Variants in ARFIP1 observed in about 807,000 individuals in gnomAD.
ARFIP1 encodes the protein ARF interacting protein 1.
Under a neutral mutation model 42.5 loss-of-function variants are expected in ARFIP1, and 24 were observed. The observed-to-expected ratio is 0.57, with a 90% confidence interval of 0.41 to 0.80. The LOEUF is 0.80. Ranked by LOEUF, ARFIP1 falls within the 30% of genes least tolerant of loss-of-function variation. The pLI, the probability that ARFIP1 is intolerant of heterozygous loss-of-function variation, is 0.00. For missense variants in ARFIP1, 354 were observed against 434.0 expected (o/e 0.82, Z 1.64); for synonymous variants, 141 against 153.7 (o/e 0.92, Z 0.61).
chr4:152,898,331 C>T (rs1034961376), intron 8 of ARFIP1, among the ~76,000 whole-genome samples: 2 of 152,072 alleles, frequency 1.3e-5, no homozygotes, highest in Non-Finnish European at 2.9e-5. Flanking sequence ...AATGACTCAG[C>T]GTTTTCATGT....
intron 8 of ARFIP1, among the ~76,000 whole-genome samples, chr4:152,894,529 T>G (rs1400101773): frequency 2.0e-5 from 3 of 152,174 alleles, no homozygotes; most frequent in African/African-American, 7.2e-5. Flanking sequence ...TCACCTTTAC[T>G]TCTAAAGCAA....
intron 1 of ARFIP1, among the ~76,000 whole-genome samples, chr4:152,791,192 TA>T (rs1731129383): frequency 6.6e-6 from 1 of 152,248 alleles, no homozygotes; most frequent in African/African-American, 2.4e-5. Context: ...CTTCTTTGGT[TA>T]TTCTATTTAT....
In ARFIP1 at chr4:152,911,927, C is replaced by G. The variant is rs1738881423; in HGVS notation, c.*1708C>G. On this transcript the variant is annotated 3_prime_UTR_variant, in exon 9 of 9. Transcript: ENST00000353617. ...GCTGCAGTAAATCGTTTCTCTGGAC[C>G]TTCATAGTTTAAGAAGTAACTATTT... is the stretch of plus-strand genomic sequence containing the variant. 1.3e-5 allele frequency: 2 copies of G among 152,524 alleles called. No homozygotes were observed. Among genetic ancestry groups the G allele is most frequent in the South Asian group, 4.1e-4 (2 of 4,828 alleles). The allele number at this position is 152,524 out of a possible 1,614,324, so 9.4% of individuals were successfully genotyped here. A position where few individuals can be genotyped will look rare whatever the true frequency, so the allele number is the denominator to read the frequency against.
At chr4:152,839,726 C>T (rs1731913342) in intron 2 of ARFIP1, among the ~76,000 whole-genome samples, 1 of 152,106 alleles carries the variant, frequency 6.6e-6, no homozygotes, top group Non-Finnish European at 1.5e-5. Context: ...TTTCAAATAA[C>T]CACCTTTTTG....
chr4:152,843,973 G>A (rs1164184802), intron 2 of ARFIP1, among the ~76,000 whole-genome samples: 1 of 152,158 alleles, frequency 6.6e-6, no homozygotes, highest in Non-Finnish European at 1.5e-5. Context: ...AGTTCAGCTG[G>A]AGATTTCCTT....
At chr4:152,891,517 T>G (rs1178954119) in intron 8 of ARFIP1, among the ~76,000 whole-genome samples, 1 of 152,184 alleles carries the variant, frequency 6.6e-6, no homozygotes, top group Non-Finnish European at 1.5e-5. Flanking sequence ...TTTAATAGCT[T>G]TAAAAAGGAA....
rs4634200 is a variant in ARFIP1, at chr4:152,830,974, C to T, written c.93+1248C>T. On this transcript the variant is annotated intron_variant, in intron 2 of 8. Transcript: ENST00000353617. ...TCGAGGTTTATTTTAATGGCAAGTG[C>T]TTTAACTTGGTTTCTGAGCACTTGT... Among the ~76,000 whole-genome samples the T allele has an allele frequency of 2.6e-5, 4 of 152,226 alleles. No homozygotes were observed. The East Asian group carries it at 7.7e-4, about 29-fold the overall frequency.
intron 2 of ARFIP1, among the ~76,000 whole-genome samples, chr4:152,848,062 G>GT (rs1345780397): frequency 2.0e-5 from 3 of 152,086 alleles, no homozygotes; most frequent in Admixed American, 6.5e-5. Context: ...TAAGTTTTAA[G>GT]TGATATCACA....
chr4:152,896,148 G>T (rs1322817165), intron 8 of ARFIP1, among the ~76,000 whole-genome samples: 1 of 148,166 alleles, frequency 6.7e-6, no homozygotes, highest in Non-Finnish European at 1.5e-5. Flanking sequence ...TAAGGTAAAG[G>T]TATGTGATGG....
At chr4:152,792,514 T>TTA (rs1561099259) in intron 1 of ARFIP1, among the ~76,000 whole-genome samples, 1 of 152,186 alleles carries the variant, frequency 6.6e-6, no homozygotes, top group Non-Finnish European at 1.5e-5. Flanking sequence ...AGACCACCTG[T>TTA]TATATGAGTA....
chr4:152,862,129 G>A (rs1045113474), intron 2 of ARFIP1, among the ~76,000 whole-genome samples: 6 of 152,128 alleles, frequency 3.9e-5, no homozygotes, highest in African/African-American at 1.4e-4. Flanking sequence ...TGGTAGCCTA[G>A]TTGCTGGCCT....
At chr4:152,830,128 G>C (rs1268114202) in intron 2 of ARFIP1, among the ~76,000 whole-genome samples, 1 of 152,040 alleles carries the variant, frequency 6.6e-6, no homozygotes, top group African/African-American at 2.4e-5. Context: ...ATTTTCTAAA[G>C]TGCCATACTT....
intron 8 of ARFIP1, among the ~76,000 whole-genome samples, chr4:152,906,630 A>C (rs888702959): frequency 6.6e-6 from 1 of 152,112 alleles, no homozygotes; most frequent in African/African-American, 2.4e-5. Context: ...CTCTACTTCT[A>C]CCTTTGCATG....
intron 8 of ARFIP1, among the ~76,000 whole-genome samples, chr4:152,902,480 C>A (rs1485022127): frequency 6.6e-6 from 1 of 151,926 alleles, no homozygotes; most frequent in African/African-American, 2.4e-5. Context: ...CTAGCTTGGG[C>A]AACAGAGTGA....
intron 2 of ARFIP1, among the ~76,000 whole-genome samples, chr4:152,852,903 TTAG>T (rs1733112745): frequency 6.6e-6 from 1 of 152,208 alleles, no homozygotes; most frequent in Non-Finnish European, 1.5e-5. Flanking sequence ...GCTCCTTCTG[TTAG>T]TAGCAGCTTA....
chr4:152,835,124 C>T (rs1731547756), intron 2 of ARFIP1, among the ~76,000 whole-genome samples: 1 of 152,184 alleles, frequency 6.6e-6, no homozygotes, highest in Non-Finnish European at 1.5e-5. Flanking sequence ...CACATGGCTC[C>T]CCTTTAGTCA....
chr4:152,830,703 T>C (rs545569465), intron 2 of ARFIP1, among the ~76,000 whole-genome samples: 2 of 152,300 alleles, frequency 1.3e-5, no homozygotes, highest in African/African-American at 4.8e-5. Context: ...GGCCTATACA[T>C]TGTAGGATGG....
rs1414776483 is a variant in ARFIP1, at chr4:152,910,136, C to T, written c.1039C>T (p.Gln347Ter). The T allele has an allele frequency of 6.2e-7, 1 of 1,614,150 alleles. No homozygotes were observed. ...CGCTTACTTTGCTGGGAATCAGAAG[C>T]AGCTTGAACAGACACTTAAACAGTT... The part of the protein sequence containing the change: ...IAAYFAGNQK[Q>*]LEQTLKQFHI... The change falls in exon 9 of 9, where the codon CAG becomes TAG. Residue 347 changes from glutamine (Q) to a stop codon, truncating the protein, a stop_gained. Transcript: ENST00000353617. LOFTEE classifies it high-confidence loss of function.
chr4:152,796,757 C>A (rs1731494056), intron 1 of ARFIP1: 1 of 751,516 alleles, frequency 1.3e-6, no homozygotes, highest in Non-Finnish European at 2.4e-6. Flanking sequence ...TCTCGACTTT[C>A]CTTCTTTCTC....
Sources: gnomAD v4.1 joint callset for allele counts (sites outside exome capture counted in the v4.1 genomes callset) on GRCh38, gnomAD v4.1.1 for gene constraint, MANE v1.5 for transcripts, NCBI Gene and HGNC (gene_info 2026-07-23, HGNC 2026-07-21) for gene names.